Variants in GRIN2B observed in about 807,000 individuals in gnomAD.
GRIN2B encodes glutamate receptor ionotropic, NMDA 2B.
A neutral mutation model predicts 114.5 loss-of-function variants in GRIN2B; 5 were observed. The ratio of observed to expected loss-of-function variants is 0.04; its 90% CI spans 0.02 to 0.09. The LOEUF (loss-of-function observed/expected upper bound fraction) is 0.09, where lower values mean the gene tolerates loss of function less well. Ranked by LOEUF, GRIN2B falls within the 10% of genes least tolerant of loss-of-function variation. The pLI is 1.00. For synonymous variants in GRIN2B, 787 were observed against 745.1 expected (o/e 1.06, Z -0.92); for missense variants, 1,108 against 1,943.5 (o/e 0.57, Z 8.08).
chr12:13,707,900 G>A (rs1470734873), intron 4 of GRIN2B, among the ~76,000 whole-genome samples: 1 of 152,128 alleles, frequency 6.6e-6, no homozygotes, highest in African/African-American at 2.4e-5. Context: ...ATCATGGTGA[G>A]AGAGACAGGC....
intron 2 of GRIN2B, among the ~76,000 whole-genome samples, chr12:13,891,892 G>T (rs1160727679): frequency 6.6e-6 from 1 of 152,192 alleles, no homozygotes; most frequent in Non-Finnish European, 1.5e-5. Flanking sequence ...CTATGTAAAA[G>T]GCACTCTTCT....
intron 3 of GRIN2B, among the ~76,000 whole-genome samples, chr12:13,843,025 T>C (rs966828393): frequency 5.1e-5 from 5 of 97,368 alleles, no homozygotes; most frequent in African/African-American, 1.9e-4. Context: ...TAAAATTTTT[T>C]ATTATTTATT....
In GRIN2B at chr12:13,563,394, G is replaced by T. The variant is rs796592441; in HGVS notation, c.3844C>A (p.Pro1282Thr). ...GCCTTGGAATTAGTCGGGCTCTGAG[G>T]GTACTTAGTGGTGGAGGCGTTTGAC... ...VTSNASTTKY[P>T]QSPTNSKAQK... Residue 1282 changes from proline (P) to threonine (T), a missense_variant, in exon 14 of 14, where the codon CCT becomes ACT. Around this residue, in one of 19 missense-constraint regions of GRIN2B, gnomAD observed 478 missense variants for 506.0 expected, o/e 0.94. Coordinates refer to ENST00000609686, the MANE Select transcript of GRIN2B (RefSeq NM_000834.5). 1.9e-6 allele frequency: 3 copies of T among 1,614,182 alleles called. No homozygotes were observed. Among genetic ancestry groups the T allele is most frequent in the Non-Finnish European group, 2.5e-6 (3 of 1,180,042 alleles).
chr12:13,825,494 TTTTGTGTG>T (rs1565552043), intron 3 of GRIN2B, among the ~76,000 whole-genome samples: 1 of 44,828 alleles, frequency 2.2e-5, no homozygotes, highest in Non-Finnish European at 5.4e-5. Context: ...TATATATATA[TTTTGTGTG>T]TGTGTGTGTG....
Position 13,862,528 on chromosome 12 carries a change from G to C in GRIN2B, c.411+3270C>G, listed in dbSNP as rs539299636. ...CAGTGTGGCCAAGCTACATGTCTTAGATTTACTGCATCAGTTCCACTTTCA... is the reference window on the plus strand; with the variant it reads ...CAGTGTGGCCAAGCTACATGTCTTACATTTACTGCATCAGTTCCACTTTCA... On this transcript the variant is annotated intron_variant, in intron 3 of 13. Transcript: ENST00000609686. Among the ~76,000 whole-genome samples, 14 of 152,194 alleles carry C rather than the reference G, an allele frequency of 9.2e-5. No individual in the cohort carries two copies. The East Asian group carries it at 2.7e-3, about 29-fold the overall frequency.
chr12:13,598,760 G>A (rs1186425451), intron 10 of GRIN2B, among the ~76,000 whole-genome samples: 1 of 152,152 alleles, frequency 6.6e-6, no homozygotes, highest in Non-Finnish European at 1.5e-5. Flanking sequence ...GCTGGTTGGA[G>A]AGAGTCCTAC....
rs140665061 is a variant in GRIN2B, at chr12:13,725,845, C to G, written c.1010+27472G>C. Among the ~76,000 whole-genome samples the G allele has an allele frequency of 9.8e-3, 1,484 of 152,184 alleles. 13 individuals carry two copies. The Middle Eastern group carries it at 0.11, about 11-fold the overall frequency. ...GGAGCCCAGAAATCAGAGCAGGACACAGGGATGGGCAGAGAGGTGAGCGCA... is the reference window on the plus strand; with the variant it reads ...GGAGCCCAGAAATCAGAGCAGGACAGAGGGATGGGCAGAGAGGTGAGCGCA... On this transcript the variant is annotated intron_variant, in intron 4 of 13. Coordinates refer to ENST00000609686, the MANE Select transcript of GRIN2B (RefSeq NM_000834.5).
intron 3 of GRIN2B, among the ~76,000 whole-genome samples, chr12:13,813,210 C>T (rs1390544979): frequency 6.6e-6 from 1 of 152,056 alleles, no homozygotes; most frequent in Non-Finnish European, 1.5e-5. Context: ...GCTGGGATTA[C>T]AGGCGTGAGC....
chr12:13,651,425 A>G (rs2284404), intron 5 of GRIN2B, among the ~76,000 whole-genome samples: 53,187 of 151,990 alleles, frequency 0.35, 10,946 homozygotes, highest in East Asian at 0.81. Context: ...AAAGAAACAG[A>G]GATGAGACGG....
intron 10 of GRIN2B, among the ~76,000 whole-genome samples, chr12:13,588,684 A>G (rs1302100087): frequency 2.6e-5 from 4 of 152,240 alleles, no homozygotes; most frequent in Admixed American, 2.6e-4. Flanking sequence ...CACATACTGC[A>G]TGCATACATA....
chr12:13,799,763 C>T lies in GRIN2B; in HGVS notation c.412-45848G>A, dbSNP rs187713996. On this transcript the variant is annotated intron_variant, in intron 3 of 13. Transcript: ENST00000609686. ...TGGTCAGGAGCATGGTGGATTGTTT[C>T]TGAGAAAAATTGACTGTCAAAAGAT... Among the ~76,000 whole-genome samples, 33 of 151,984 alleles carry T rather than the reference C, an allele frequency of 2.2e-4. No homozygotes were observed. The East Asian group carries it at 6.4e-3, about 30-fold the overall frequency.
chr12:13,743,257 C>T (rs536279139), intron 4 of GRIN2B, among the ~76,000 whole-genome samples: 1 of 152,138 alleles, frequency 6.6e-6, no homozygotes, highest in African/African-American at 2.4e-5. Context: ...GCTCAGAGCC[C>T]TTTTCTGCTT....
chr12:13,857,445 A>G (rs954999891), intron 3 of GRIN2B, among the ~76,000 whole-genome samples: 10 of 152,308 alleles, frequency 6.6e-5, no homozygotes, highest in Middle Eastern at 3.4e-3. Context: ...TCACCCTCAT[A>G]CATTCCCAAA....
Position 13,555,739 on chromosome 12 carries a change from TGAAA to T in GRIN2B, c.*7040_*7043del, listed in dbSNP as rs1948471416. 6.6e-6 allele frequency: 1 copy of T among 152,178 alleles called. No individual in the cohort carries two copies. Among genetic ancestry groups the T allele is most frequent in the Non-Finnish European group, 1.5e-5 (1 of 68,036 alleles). 9.4% of individuals were successfully genotyped at this position (152,178 alleles called of 1,614,324 possible). A position where few individuals can be genotyped will look rare whatever the true frequency, so the allele number is the denominator to read the frequency against. On this transcript the variant is annotated 3_prime_UTR_variant, in exon 14 of 14. Transcript: ENST00000609686. ...AAACACAGTAGGAAAGATTGCCTGT[TGAAA>T]GACAGGACATGAACATGAAAGGAAA...
At chr12:13,784,564 C>T (rs1864188896) in intron 3 of GRIN2B, among the ~76,000 whole-genome samples, 1 of 152,132 alleles carries the variant, frequency 6.6e-6, no homozygotes, top group Admixed American at 6.5e-5. Context: ...ATTTCCACCC[C>T]CCTGCCCCCT....
At chr12:13,967,808 G>A (rs1362504583) in intron 2 of GRIN2B, among the ~76,000 whole-genome samples, 1 of 152,104 alleles carries the variant, frequency 6.6e-6, no homozygotes, top group Non-Finnish European at 1.5e-5. Flanking sequence ...GGATCCCTGA[G>A]CTGAAACTTG....
At position 13,560,697 on chromosome 12, in the gene GRIN2B, T is replaced by C. The variant is rs1948531448; in HGVS notation, c.*2086A>G. On this transcript the variant is annotated 3_prime_UTR_variant, in exon 14 of 14. Coordinates refer to ENST00000609686, the MANE Select transcript of GRIN2B (RefSeq NM_000834.5). ...CACTCCGTGCTCCTCTCACCAAATC[T>C]GTGAGAGGTTCAGCCCCTTGCCCCC... The C allele has an allele frequency of 6.6e-6, 1 of 152,232 alleles. No homozygotes were observed. Among genetic ancestry groups the C allele is most frequent in the Non-Finnish European group, 1.5e-5 (1 of 68,060 alleles). The allele number at this position is 152,232 out of a possible 1,614,324, so 9.4% of individuals were successfully genotyped here. A position where few individuals can be genotyped will look rare whatever the true frequency, so the allele number is the denominator to read the frequency against.
rs1016687605 is a variant in GRIN2B, at chr12:13,615,374, C to T, written c.1501-107G>A. 1.1e-5 allele frequency: 16 copies of T among 1,412,762 alleles called. 1 individual carries two copies. In the African/African-American group the frequency reaches 2.0e-4, roughly 17 times the overall value. 87.5% of individuals were successfully genotyped at this position (1,412,762 alleles called of 1,614,324 possible). On this transcript the variant is annotated intron_variant, in intron 7 of 13. Coordinates refer to ENST00000609686, the MANE Select transcript of GRIN2B (RefSeq NM_000834.5). This position sits in a 1 kb window ranked among gnomAD's most constrained non-coding sequence, Gnocchi z 5.8. ...TTTTCTTTGTATAGTGGGAACAATA[C>T]ATCTTATTTGCCATTTTATATTTTC...
At chr12:13,949,384 C>CT in intron 2 of GRIN2B, among the ~76,000 whole-genome samples, 1 of 152,172 alleles carries the variant, frequency 6.6e-6, no homozygotes, top group Non-Finnish European at 1.5e-5. Flanking sequence ...AAGGCAGAAA[C>CT]TTTCCTCTCC....
Sources: gnomAD v4.1 joint callset for allele counts (sites outside exome capture counted in the v4.1 genomes callset) on GRCh38, gnomAD v4.1.1 for gene constraint, gnomAD v4.1.1 regional missense constraint, Gnocchi (gnomAD v3.1) non-coding constraint, MANE v1.5 for transcripts, NCBI Gene and HGNC (gene_info 2026-07-23, HGNC 2026-07-21) for gene names.